MYO16: variants seen among roughly 807,000 people sequenced by gnomAD.
The protein encoded by MYO16 is unconventional myosin-XVI.
A neutral mutation model predicts 205.3 loss-of-function variants in MYO16; 94 were observed. The observed-to-expected ratio is 0.46, with a 90% CI of 0.39 to 0.54. MYO16 has a LOEUF of 0.54. Ranked by LOEUF, MYO16 falls within the 20% of genes least tolerant of loss-of-function variation. The pLI is 0.00. For missense variants in MYO16, 2,315 were observed against 2,387.5 expected (o/e 0.97, Z 0.63); for synonymous variants, 988 against 954.0 (o/e 1.04, Z -0.66).
chr13:109,010,049 A>G (rs747497700), intron 22 of MYO16, among the ~76,000 whole-genome samples: 4 of 152,174 alleles, frequency 2.6e-5, no homozygotes, highest in Non-Finnish European at 4.4e-5. Flanking sequence ...TGCATGGGCC[A>G]TATTTATATT....
intron 33 of MYO16, among the ~76,000 whole-genome samples, chr13:109,173,040 G>T (rs776820975): frequency 2.6e-5 from 4 of 152,216 alleles, no homozygotes; most frequent in Non-Finnish European, 5.9e-5. Context: ...AGGAATATCT[G>T]GGTGGAGTTC....
At chr13:109,082,807 A>AG (rs1247670914) in intron 27 of MYO16, among the ~76,000 whole-genome samples, 2 of 151,754 alleles carry the variant, frequency 1.3e-5, no homozygotes, top group South Asian at 2.1e-4. Flanking sequence ...AAAAAGAAAA[A>AG]GAAAAAAAAG....
At chr13:109,168,860 C>T (rs561844072) in intron 33 of MYO16, among the ~76,000 whole-genome samples, 34 of 151,098 alleles carry the variant, frequency 2.3e-4, no homozygotes, top group African/African-American at 8.0e-4. Flanking sequence ...TGTCTAATGT[C>T]TTTTGTGTAT....
chr13:108,611,455 T>G, intron 1 of MYO16, among the ~76,000 whole-genome samples: 1 of 152,228 alleles, frequency 6.6e-6, no homozygotes. Flanking sequence ...ACAACTTTTA[T>G]GTTTTACCAT....
At chr13:108,677,656 G>A (rs751063935) in intron 2 of MYO16, among the ~76,000 whole-genome samples, 19 of 151,902 alleles carry the variant, frequency 1.3e-4, no homozygotes, top group Non-Finnish European at 2.5e-4. Flanking sequence ...CACTTCCTCT[G>A]TGTCAATTTC....
chr13:108,684,699 TGGA>T (rs1014134808), intron 2 of MYO16, among the ~76,000 whole-genome samples: 1 of 152,106 alleles, frequency 6.6e-6, no homozygotes, highest in African/African-American at 2.4e-5. Flanking sequence ...CCCTAAACTT[TGGA>T]GGAGGAAGAG....
intron 7 of MYO16, among the ~76,000 whole-genome samples, chr13:108,814,784 C>G (rs536201985): frequency 3.9e-5 from 6 of 152,182 alleles, no homozygotes; most frequent in African/African-American, 1.4e-4. Context: ...AGAACACTGG[C>G]AAGAGCCATA....
the MYO16 span, among the ~76,000 whole-genome samples, chr13:108,530,638 C>T: frequency 6.6e-6 from 1 of 152,158 alleles, no homozygotes; most frequent in South Asian, 2.1e-4. Context: ...CTGCCATATT[C>T]ACATTTAGCT....
At chr13:109,065,310 G>T (rs12870893) in intron 27 of MYO16, among the ~76,000 whole-genome samples, 12,807 of 152,094 alleles carry the variant, frequency 0.084, 585 homozygotes, top group African/African-American at 0.11. Flanking sequence ...TCCATGTATA[G>T]CCCCAATTTG....
chr13:108,721,918 T>A (rs574629734), intron 3 of MYO16, among the ~76,000 whole-genome samples: 1 of 152,192 alleles, frequency 6.6e-6, no homozygotes. Context: ...AGGAGCTTAG[T>A]TGATTAAAGG....
At chr13:109,197,690 T>C (rs1880216968) in intron 34 of MYO16, among the ~76,000 whole-genome samples, 1 of 152,192 alleles carries the variant, frequency 6.6e-6, no homozygotes, top group South Asian at 2.1e-4. Context: ...CCTTGACCCT[T>C]AAAGTTTCTT....
In MYO16 at chr13:109,171,591, C is replaced by CT. The variant is rs552770523; in HGVS notation, c.5323+6540dup. Among the ~76,000 whole-genome samples, 14 of 152,030 alleles carry CT rather than the reference C, an allele frequency of 9.2e-5. No homozygotes were observed. The South Asian group carries it at 1.0e-3, about 11-fold the overall frequency. The stretch of plus-strand genomic sequence containing the variant: ...TACTGATGCGAGCGCAGACTTGGAT[C>CT]TTTTTTTTGTATATTTAATTATTCC... On this transcript the variant is annotated intron_variant, in intron 33 of 34. Transcript: ENST00000457511.
intron 23 of MYO16, among the ~76,000 whole-genome samples, chr13:109,020,580 A>G (rs144190829): frequency 6.5e-4 from 99 of 152,304 alleles, no homozygotes; most frequent in African/African-American, 2.3e-3. Flanking sequence ...AAACTCCATT[A>G]CATTAAGCTT....
At chr13:108,995,487 A>T (rs1035691107) in intron 21 of MYO16, among the ~76,000 whole-genome samples, 2 of 152,006 alleles carry the variant, frequency 1.3e-5, no homozygotes, top group East Asian at 3.9e-4. Context: ...TGTGCACAAC[A>T]TGCAGGTTAG....
intron 28 of MYO16, among the ~76,000 whole-genome samples, chr13:109,112,969 T>C (rs1003020657): frequency 2.0e-5 from 3 of 152,176 alleles, no homozygotes; most frequent in African/African-American, 4.8e-5. Flanking sequence ...GTCAGACAGA[T>C]ACACAAATAA....
chr13:108,648,004 C>T (rs1340149464), intron 1 of MYO16, among the ~76,000 whole-genome samples: 2 of 152,080 alleles, frequency 1.3e-5, no homozygotes, highest in African/African-American at 4.8e-5. Context: ...AGAGATGGCC[C>T]CTGTATTCAT....
At chr13:108,820,205 G>A (rs547678205) in intron 7 of MYO16, 132 bp from the exon 8 acceptor site, 1 of 604,044 alleles carries the variant, frequency 1.7e-6, no homozygotes, top group African/African-American at 1.8e-5. Flanking sequence ...AAGGGGACAG[G>A]AAGGACTTCT....
chr13:109,001,424 G>C (rs1885208251), intron 21 of MYO16, among the ~76,000 whole-genome samples: 1 of 152,058 alleles, frequency 6.6e-6, no homozygotes, highest in South Asian at 2.1e-4. Context: ...AATAAGATTA[G>C]CTTATCGGCA....
At chr13:109,185,497 T>C (rs1879647384) in intron 34 of MYO16, among the ~76,000 whole-genome samples, 1 of 152,198 alleles carries the variant, frequency 6.6e-6, no homozygotes, top group South Asian at 2.1e-4. Context: ...TTTAACATTG[T>C]AGATGCTATC....
Sources: gnomAD v4.1 joint callset for allele counts (sites outside exome capture counted in the v4.1 genomes callset) on GRCh38, gnomAD v4.1.1 for gene constraint, MANE v1.5 for transcripts, NCBI Gene and HGNC (gene_info 2026-07-23, HGNC 2026-07-21) for gene names.